The following EPHX2 variants were observed in gnomAD, a reference collection of about 807,000 sequenced individuals.
EPHX2 encodes epoxide hydrolase 2, also known as bifunctional epoxide hydrolase 2.
A neutral mutation model predicts 78.7 loss-of-function variants in EPHX2; 74 were observed. The observed-to-expected ratio is 0.94, with a 90% CI of 0.78 to 1.14. The LOEUF (loss-of-function observed/expected upper bound fraction) is 1.14, where lower values mean the gene tolerates loss of function less well. EPHX2 is among the 50% of genes most tolerant of loss of function. The probability of loss-of-function intolerance (pLI) is 0.00; values close to 1 mark genes in which losing one functional copy is unlikely to be tolerated. For synonymous variants in EPHX2, 251 were observed against 255.2 expected (o/e 0.98, Z 0.16); for missense variants, 715 against 702.5 (o/e 1.02, Z -0.20).
Position 27,506,908 on chromosome 8 carries a change from C to G in EPHX2, c.574C>G (p.Pro192Ala). 1 of 1,614,126 alleles carries G rather than the reference C, an allele frequency of 6.2e-7. No homozygotes were observed. The highest frequency in any genetic ancestry group is 8.5e-7 in the Non-Finnish European group (1 of 1,180,026). ...GGATGACATCGGGGCTAATCTGAAG[C>G]CAGCCCGTGACTTGGGAATGGTCAC... ...FLDDIGANLKPARDLGMVTIL... is the reference protein window; with the variant it reads ...FLDDIGANLKAARDLGMVTIL... Residue 192 changes from proline to alanine, a missense_variant, in exon 5 of 19, where the codon CCA (proline) becomes GCA (alanine). By Grantham distance (27) the Pro-to-Ala change is conservative. Coordinates refer to ENST00000521400, the MANE Select transcript of EPHX2 (RefSeq NM_001979.6).
At chr8:27,497,903 T>G (rs1195986051) in intron 1 of EPHX2, among the ~76,000 whole-genome samples, 1 of 152,202 alleles carries the variant, frequency 6.6e-6, no homozygotes, top group African/African-American at 2.4e-5. Context: ...TGGGGACGGC[T>G]TGTTGACCGG....
intron 5 of EPHX2, 130 bp from the exon 6 acceptor site, chr8:27,511,706 G>C: frequency 2.3e-6 from 2 of 874,870 alleles, no homozygotes; most frequent in Non-Finnish European, 3.7e-6. Context: ...GGGCTGGTCA[G>C]CCACCAGGAG....
chr8:27,536,662 T>A (rs1815222058), intron 12 of EPHX2, 122 bp from the exon 13 acceptor site: 2 of 904,494 alleles, frequency 2.2e-6, no homozygotes, highest in Non-Finnish European at 3.6e-6. Context: ...GATGCTATTC[T>A]GATGAAACTT....
chr8:27,500,195 ATGT>A (rs1190152916), intron 1 of EPHX2, among the ~76,000 whole-genome samples: 1 of 152,036 alleles, frequency 6.6e-6, no homozygotes, highest in African/African-American at 2.4e-5. Flanking sequence ...TGTTCTCGTG[ATGT>A]TGAGTGAGTT....
intron 4 of EPHX2, 116 bp from the exon 5 acceptor site, chr8:27,506,756 T>C (rs1056476603): frequency 2.9e-6 from 4 of 1,390,260 alleles, no homozygotes; most frequent in Non-Finnish European, 3.9e-6. Flanking sequence ...CTTTCCATTT[T>C]AGCAGTAGAT....
Position 27,496,393 on chromosome 8 carries a change from G to A in EPHX2, c.102-4533G>A, listed in dbSNP as rs557476627. Among the ~76,000 whole-genome samples the A allele has an allele frequency of 3.1e-3, 471 of 152,284 alleles. 8 individuals carry two copies. Among genetic ancestry groups the A allele is most frequent in the African/African-American group, 0.011 (451 of 41,560 alleles). ...AAACCCTTGAGGCAAGACCATCCAC[G>A]AAAGTTGGGACGTGTGGTCTGTGGG... is the stretch of plus-strand genomic sequence containing the variant. On this transcript the variant is annotated intron_variant, in intron 1 of 18. Coordinates refer to ENST00000521400, the MANE Select transcript of EPHX2 (RefSeq NM_001979.6).
chr8:27,491,213 C>G lies in EPHX2; in HGVS notation c.5C>G (p.Thr2Arg). 1.3e-6 allele frequency: 2 copies of G among 1,581,270 alleles called. No individual in the cohort carries two copies. Among genetic ancestry groups the G allele is most frequent in the South Asian group, 1.1e-5 (1 of 88,624 alleles). Reference sequence around the variant, plus strand: ...CTAGGCTGCAGACCCGCCGCCATGACGCTGCGCGCGGCCGTCTTCGACCTT... The same window carrying G: ...CTAGGCTGCAGACCCGCCGCCATGAGGCTGCGCGCGGCCGTCTTCGACCTT... Reference protein sequence around the residue: MTLRAAVFDLDG... With the variant: MRLRAAVFDLDG... Residue 2 changes from threonine to arginine, a missense_variant, in exon 1 of 19, where the codon ACG becomes AGG. Thr to Arg is a moderately conservative substitution (Grantham distance 71). Transcript: ENST00000521400.
intron 15 of EPHX2, 41 bp downstream of exon 15, chr8:27,540,697 C>T (rs761227082): frequency 5.1e-6 from 8 of 1,579,946 alleles, no homozygotes; most frequent in Admixed American, 3.3e-5. Flanking sequence ...GAGAGATGAT[C>T]GACAGATAGG....
At chr8:27,499,368 T>C (rs774369685) in intron 1 of EPHX2, among the ~76,000 whole-genome samples, 3 of 152,204 alleles carry the variant, frequency 2.0e-5, no homozygotes, top group Admixed American at 6.5e-5. Context: ...GGCAAAGGTA[T>C]GGGAAAACCA....
chr8:27,511,953 C>A, intron 6 of EPHX2, 43 bp downstream of exon 6: 2 of 1,594,410 alleles, frequency 1.3e-6, no homozygotes, highest in South Asian at 1.1e-5. Flanking sequence ...GCTCTCCCAC[C>A]AGGTCACCTA....
chr8:27,501,325 T>TTCTTCTTCTTCTTCTTCTTCTTCC lies in EPHX2; in HGVS notation c.186+338_186+339insCTCTTCTTCTTCTTCTTCTTCTTC, dbSNP rs1563340059. ...AAGAAAGAGGGAAATGCTATATATT[T>TTCTTCTTCTTCTTCTTCTTCTTCC]TCTTCTTCTTCTTCTTCTTCTTCTT... is the stretch of plus-strand genomic sequence containing the variant. On this transcript the variant is annotated intron_variant, in intron 2 of 18. Coordinates refer to ENST00000521400, the MANE Select transcript of EPHX2 (RefSeq NM_001979.6). Among the ~76,000 whole-genome samples the TTCTTCTTCTTCTTCTTCTTCTTCC allele has an allele frequency of 2.9e-4, 4 of 13,686 alleles. 1 individual carries two copies. Among genetic ancestry groups the TTCTTCTTCTTCTTCTTCTTCTTCC allele is most frequent in the African/African-American group, 1.3e-3 (4 of 3,100 alleles). 9.0% of individuals were successfully genotyped at this position (13,686 alleles called of 152,430 possible).
At chr8:27,526,195 C>A (rs1166035408) in intron 12 of EPHX2, among the ~76,000 whole-genome samples, 9 of 152,238 alleles carry the variant, frequency 5.9e-5, no homozygotes, top group Admixed American at 5.9e-4. Context: ...CACCTCTGCT[C>A]CTCTTAGGAG....
chr8:27,546,385 A>G (rs866236553), downstream of EPHX2, among the ~76,000 whole-genome samples: 130 of 152,292 alleles, frequency 8.5e-4, no homozygotes, highest in African/African-American at 3.0e-3. Context: ...CAGCTATAAG[A>G]TTTCCAGTTT....
At chr8:27,546,532 T>A (rs966540682), downstream of EPHX2, among the ~76,000 whole-genome samples, 4 of 152,212 alleles carry the variant, frequency 2.6e-5, no homozygotes, top group Admixed American at 2.6e-4. Context: ...CAGATCACAT[T>A]ATTTTCCTAA....
chr8:27,501,324 T>TTTCTTCTTCTTCTTCTTCTTTC (rs1813763276), intron 2 of EPHX2, among the ~76,000 whole-genome samples: 1 of 102,914 alleles, frequency 9.7e-6, no homozygotes, highest in African/African-American at 3.7e-5. Flanking sequence ...TGCTATATAT[T>TTTCTTCTTCTTCTTCTTCTTTC]TTCTTCTTCT....
At chr8:27,533,199 C>T (rs1815102720) in intron 12 of EPHX2, among the ~76,000 whole-genome samples, 1 of 152,154 alleles carries the variant, frequency 6.6e-6, no homozygotes, top group Non-Finnish European at 1.5e-5. Context: ...AAGAAATGGG[C>T]ATTATCTCAT....
chr8:27,540,680 C>CACAGATGA, intron 15 of EPHX2, 24 bp downstream of exon 15: 1 of 1,603,328 alleles, frequency 6.2e-7, no homozygotes, highest in Non-Finnish European at 8.5e-7. Context: ...AGGGCCCAGA[C>CACAGATGA]ACAGATGAGA....
chr8:27,519,913 T>C (rs79552562), intron 9 of EPHX2, among the ~76,000 whole-genome samples: 9 of 152,228 alleles, frequency 5.9e-5, no homozygotes, highest in African/African-American at 2.2e-4. Context: ...TCTGAGGCCT[T>C]TCCTGGGCTT....
chr8:27,541,427 C>T (rs991558199), intron 15 of EPHX2, 46 bp from the exon 16 acceptor site: 13 of 1,592,916 alleles, frequency 8.2e-6, no homozygotes, highest in South Asian at 2.2e-5. Flanking sequence ...GTAGCAGAGC[C>T]GTCTACTTAC....
Sources: gnomAD v4.1 joint callset for allele counts (sites outside exome capture counted in the v4.1 genomes callset) on GRCh38, gnomAD v4.1.1 for gene constraint, MANE v1.5 for transcripts, NCBI Gene and HGNC (gene_info 2026-07-23, HGNC 2026-07-21) for gene names.